COL5A3: variants seen among roughly 807,000 people sequenced by gnomAD.
COL5A3 encodes the protein collagen type V alpha 3 chain, also known as collagen alpha-3(V) chain.
Under a neutral mutation model 250.0 loss-of-function variants are expected in COL5A3, and 172 were observed. That is an observed-to-expected ratio of 0.69 (90% CI 0.61 to 0.78). COL5A3 has a LOEUF of 0.78. Ranked by LOEUF, COL5A3 falls within the 30% of genes least tolerant of loss-of-function variation. The pLI, the probability that COL5A3 is intolerant of heterozygous loss-of-function variation, is 0.00. For synonymous variants in COL5A3, 937 were observed against 900.4 expected (o/e 1.04, Z -0.73); for missense variants, 2,340 against 2,334.4 (o/e 1.00, Z -0.05).
intron 8 of COL5A3, among the ~76,000 whole-genome samples, chr19:9,998,916 T>C (rs113922357): frequency 0.14 from 21,164 of 151,958 alleles, 1,529 homozygotes; most frequent in Middle Eastern, 0.18. Flanking sequence ...AACTCCTGAC[T>C]TAGGTGATCC....
In COL5A3 at chr19:9,989,522, C is replaced by A; in HGVS notation, c.1993G>T (p.Gly665Cys). 6.2e-7 allele frequency: 1 copy of A among 1,611,356 alleles called. No individual in the cohort carries two copies. Among genetic ancestry groups the A allele is most frequent in the Non-Finnish European group, 8.5e-7 (1 of 1,178,602 alleles). ...GGAATTCCTGGGTTTCCAGGGGGAC[C>A]CTGAAAGAAGATGAACAGCAGGGGA... ...QGLIGTPGEK[G>C]PPGNPGIPGL... The change falls in exon 25 of 67, where the codon GGT becomes TGT. Residue 665 changes from glycine (G) to cysteine (C), a missense_variant and splice_region_variant. Gly to Cys is a radical substitution (Grantham distance 159). Around this residue, in one of 3 missense-constraint regions of COL5A3, gnomAD observed 1,152 missense variants for 1,146.3 expected, o/e 1.00. Transcript: ENST00000264828.
Position 9,960,540 on chromosome 19 carries a change from C to T in COL5A3, c.5109G>A (p.Thr1703=), listed in dbSNP as rs765595226. The change falls in exon 67 of 67, where the codon ACG becomes ACA. Residue 1703 remains threonine (T), a synonymous_variant. Coordinates refer to ENST00000264828, the MANE Select transcript of COL5A3 (RefSeq NM_015719.4). ...AAGAGCTGAATTCGAAAAGGGTCTT[C>T]GTCTGTCCTTTCCGGAGCTGTCCCC... ...QDGCRLRKGQ[T]KTLFEFSSSR... The T allele has an allele frequency of 3.3e-5, 53 of 1,614,076 alleles. No homozygotes were observed. The highest frequency in any genetic ancestry group is 4.2e-5 in the Non-Finnish European group (50 of 1,180,048).
rs1267715902 is a variant in COL5A3 at position 9,986,839 on chromosome 19, G to A, written c.2146-81C>T. On this transcript the variant is annotated intron_variant, in intron 27 of 66. Transcript: ENST00000264828. ...AGACTCAGTCCCCTGCTCTAAAGCA[G>A]CCAGGATAGTCCCAAGAGGAGGCTA... is the stretch of plus-strand genomic sequence containing the variant. The A allele has an allele frequency of 2.0e-6, 3 of 1,501,402 alleles. No individual in the cohort carries two copies. In the African/African-American group the frequency reaches 4.2e-5, roughly 21 times the overall value. The allele number at this position is 1,501,402 out of a possible 1,614,324, so 93.0% of individuals were successfully genotyped here.
At chr19:9,998,972 C>G (rs1045822946) in intron 8 of COL5A3, among the ~76,000 whole-genome samples, 10 of 152,144 alleles carry the variant, frequency 6.6e-5, no homozygotes, top group African/African-American at 2.4e-4. Flanking sequence ...GCGTGAGCCA[C>G]CATGCTTGGC....
rs2087298668 is a variant in COL5A3, at chr19:9,998,086, A to G, written c.1158+16T>C. 1.2e-6 allele frequency: 2 copies of G among 1,613,622 alleles called. No homozygotes were observed. Among genetic ancestry groups the G allele is most frequent in the African/African-American group, 1.3e-5 (1 of 74,792 alleles). ...TCATGAAGCCTCTCAACCCCCTCACAATCCAGACCCCTCACCTTTTCAATC... is the reference window on the plus strand; with the variant it reads ...TCATGAAGCCTCTCAACCCCCTCACGATCCAGACCCCTCACCTTTTCAATC... On this transcript the variant is annotated intron_variant, in intron 9 of 66. Coordinates refer to ENST00000264828, the MANE Select transcript of COL5A3 (RefSeq NM_015719.4).
At chr19:10,002,430 G>T (rs1433533059) in intron 6 of COL5A3, among the ~76,000 whole-genome samples, 1 of 135,664 alleles carries the variant, frequency 7.4e-6, no homozygotes, top group East Asian at 2.1e-4. Context: ...TCCCCCACCA[G>T]CCAAAGACCC....
chr19:9,976,583 C>T lies in COL5A3; in HGVS notation c.3317G>A (p.Gly1106Asp). ...CGGGGGACCTGGGTGTCCTGCAGGA[C>T]CCCGTATCCCTGGTTGTCCAGGTGG... Reference protein sequence around the residue: ...AGPPGQPGIRGPAGHPGPPGA... With the variant: ...AGPPGQPGIRDPAGHPGPPGA... Residue 1106 changes from glycine (G) to aspartate (D), a missense_variant, in exon 45 of 67, where the codon GGT (glycine) becomes GAT (aspartate). This residue lies in a region of COL5A3 where 1,179 missense variants were observed against 1,162.6 expected (regional missense o/e 1.01). Transcript: ENST00000264828. 1.3e-6 allele frequency: 2 copies of T among 1,566,948 alleles called. No homozygotes were observed. The highest frequency in any genetic ancestry group is 1.2e-5 in the South Asian group (1 of 82,142).
intron 23 of COL5A3, 58 bp downstream of exon 23, chr19:9,991,730 G>T (rs371768648): frequency 6.3e-7 from 1 of 1,595,564 alleles, no homozygotes; most frequent in Non-Finnish European, 8.6e-7. Context: ...GCCTGGTCAC[G>T]GTCTAAGGTC....
Position 9,993,563 on chromosome 19 carries a change from G to A in COL5A3, c.1695+56C>T, listed in dbSNP as rs2087226407. 6 of 1,596,692 alleles carry A rather than the reference G, an allele frequency of 3.8e-6. No homozygotes were observed. In the Admixed American group the frequency reaches 8.3e-5, roughly 22 times the overall value. On this transcript the variant is annotated intron_variant, in intron 18 of 66. Transcript: ENST00000264828. ...TCTGATACTGAGGGAGAAGTTGGGG[G>A]GGCTTGAATATTGGGAGGAGGGCTT...
intron 64 of COL5A3, among the ~76,000 whole-genome samples, chr19:9,963,564 G>GT (rs1359404535): frequency 7.9e-6 from 1 of 126,408 alleles, no homozygotes; most frequent in Non-Finnish European, 1.7e-5. Flanking sequence ...TTTTTTTTGG[G>GT]GGGGGGGGCG....
intron 54 of COL5A3, among the ~76,000 whole-genome samples, 193 bp downstream of exon 54, chr19:9,970,429 G>A (rs1399991436): frequency 1.2e-5 from 1 of 81,950 alleles, no homozygotes; most frequent in Non-Finnish European, 2.4e-5. Flanking sequence ...GCTGTAAGGT[G>A]AGTGGGGTCT....
At position 10,009,796 on chromosome 19, in the gene COL5A3, A is replaced by C. The variant is rs927014275; in HGVS notation, c.88+502T>G. On this transcript the variant is annotated intron_variant, in intron 1 of 66. Transcript: ENST00000264828. The surrounding 1 kb of genome is among the most constrained non-coding windows in gnomAD (Gnocchi z 4.4). ...TCCTCATGGGCAATTATTTGCACCC[A>C]AAAATCATAACTACACCCCTCATAG... is the stretch of plus-strand genomic sequence containing the variant. 6.0e-4 allele frequency among the ~76,000 whole-genome samples: 91 copies of C among 152,178 alleles called. No homozygotes were observed. The highest frequency in any genetic ancestry group is 2.1e-3 in the African/African-American group (89 of 41,538).
chr19:9,976,684 A>G, intron 44 of COL5A3, 73 bp from the exon 45 acceptor site: 1 of 1,109,844 alleles, frequency 9.0e-7, no homozygotes, highest in Non-Finnish European at 1.3e-6. Context: ...GCTATCAATC[A>G]CTGCCTCCCA....
intron 23 of COL5A3, 52 bp from the exon 24 acceptor site, chr19:9,991,706 GT>G: frequency 6.2e-7 from 1 of 1,604,464 alleles, no homozygotes; most frequent in Admixed American, 1.7e-5. Context: ...AGCGGTGAGT[GT>G]GGAGGTTGGG....
chr19:10,003,677 C>A lies in COL5A3; in HGVS notation c.737G>T (p.Arg246Leu), dbSNP rs753274164. ...QGEPETPRPR[R>L]KGKGKGRKKG... ...CTTCCTCCCTTTTCCCTTCCCCTTC[C>A]GCCGAGGACGAGGGGTTTCTGGTTC... Residue 246 changes from arginine to leucine, a missense_variant, in exon 6 of 67, where the codon CGG (arginine) becomes CTG (leucine). Physicochemically the swap from Arg to Leu is moderately radical, Grantham distance 102. Transcript: ENST00000264828. 1 of 1,614,146 alleles carries A rather than the reference C, an allele frequency of 6.2e-7. No homozygotes were observed. Among genetic ancestry groups the A allele is most frequent in the Non-Finnish European group, 8.5e-7 (1 of 1,180,028 alleles).
chr19:9,967,548 C>T (rs1005401496), intron 61 of COL5A3, 148 bp from the exon 62 acceptor site: 27 of 638,698 alleles, frequency 4.2e-5, no homozygotes, highest in Non-Finnish European at 7.0e-5. Context: ...CACACTCACA[C>T]ACACACATAC....
chr19:9,984,074 G>A (rs1050556268), intron 31 of COL5A3, among the ~76,000 whole-genome samples: 16 of 151,786 alleles, frequency 1.1e-4, no homozygotes, highest in Non-Finnish European at 2.2e-4. Flanking sequence ...GCCCAGGGTG[G>A]AGTAAGTGGC....
intron 10 of COL5A3, among the ~76,000 whole-genome samples, 193 bp from the exon 11 acceptor site, chr19:9,997,626 C>T (rs908492769): frequency 5.9e-5 from 9 of 151,946 alleles, no homozygotes; most frequent in African/African-American, 1.9e-4. Context: ...TTTTTAGAGA[C>T]GGTCTCACTC....
intron 50 of COL5A3, among the ~76,000 whole-genome samples, chr19:9,973,335 G>A (rs958548945): frequency 7.9e-5 from 12 of 152,204 alleles, no homozygotes; most frequent in African/African-American, 2.9e-4. Context: ...TCAGATTTGA[G>A]CCCTCACCTA....
Sources: allele counts gnomAD v4.1 joint callset (sites outside exome capture counted in the v4.1 genomes callset), GRCh38; gene constraint gnomAD v4.1.1; regional missense constraint gnomAD v4.1.1; non-coding constraint Gnocchi (gnomAD v3.1); transcripts MANE v1.5; gene names NCBI Gene and HGNC (gene_info 2026-07-23, HGNC 2026-07-21).